Variants in LIMS1 observed in about 807,000 individuals in gnomAD.
LIMS1 encodes LIM and senescent cell antigen-like-containing domain protein 1.
In LIMS1, 18 loss-of-function variants were observed where a neutral mutation model predicts 44.1. The ratio of observed to expected loss-of-function variants is 0.41; its 90% CI spans 0.28 to 0.61. The LOEUF is 0.61. Among genes scored for constraint, LIMS1 ranks in the 20% least tolerant of loss-of-function variants. The pLI is 0.32. For missense variants in LIMS1, 201 were observed against 422.0 expected (o/e 0.48, Z 4.59); for synonymous variants, 93 against 149.1 (o/e 0.62, Z 2.74).
At chr2:108,599,334 C>T (rs1246476200) in intron 1 of LIMS1, among the ~76,000 whole-genome samples, 1 of 152,158 alleles carries the variant, frequency 6.6e-6, no homozygotes, top group Non-Finnish European at 1.5e-5. Context: ...ACATAATGAT[C>T]TCCAGTCCCA....
rs549769050 is a variant in LIMS1, at chr2:108,666,736, C to G, written c.193-4045C>G. Among the ~76,000 whole-genome samples, 705 of 145,210 alleles carry G rather than the reference C, an allele frequency of 4.9e-3. 8 individuals are homozygous for G. Among genetic ancestry groups the G allele is most frequent in the African/African-American group, 0.017 (670 of 39,308 alleles). On this transcript the variant is annotated intron_variant, in intron 2 of 9. Transcript: ENST00000544547. ...CCTAGGAGTTGGAGGCTACAGTGAG[C>G]TATAATCATGCCACTGCACTCCAGC...
At chr2:108,635,352 C>G (rs1689167407) in intron 1 of LIMS1, among the ~76,000 whole-genome samples, 1 of 145,380 alleles carries the variant, frequency 6.9e-6, no homozygotes, top group Non-Finnish European at 1.5e-5. Context: ...CGCTTGAACT[C>G]GGAAGGCAGA....
At chr2:108,599,838 T>C (rs1407448893) in intron 1 of LIMS1, among the ~76,000 whole-genome samples, 14 of 151,610 alleles carry the variant, frequency 9.2e-5, no homozygotes, top group South Asian at 6.3e-4. Flanking sequence ...TTGAGAAATA[T>C]CTTTTCATAT....
intron 1 of LIMS1, among the ~76,000 whole-genome samples, chr2:108,545,469 G>A (rs1048688179): frequency 3.3e-5 from 5 of 152,206 alleles, no homozygotes; most frequent in African/African-American, 4.8e-5. Flanking sequence ...TCCTGACCTC[G>A]GTGATCCACC....
chr2:108,587,366 T>C (rs1686160818), intron 1 of LIMS1, among the ~76,000 whole-genome samples: 1 of 149,788 alleles, frequency 6.7e-6, no homozygotes, highest in Non-Finnish European at 1.5e-5. Flanking sequence ...TGGTATGTTT[T>C]TGTTTTTGTT....
chr2:108,560,539 C>T (rs1453952575), intron 1 of LIMS1, among the ~76,000 whole-genome samples: 2 of 152,020 alleles, frequency 1.3e-5, no homozygotes, highest in Non-Finnish European at 2.9e-5. Context: ...GCAGAGCTCA[C>T]TCCTTCACCT....
At chr2:108,587,566 T>C (rs917423830) in intron 1 of LIMS1, among the ~76,000 whole-genome samples, 6 of 152,058 alleles carry the variant, frequency 3.9e-5, no homozygotes, top group Non-Finnish European at 8.8e-5. Flanking sequence ...AATGCAGTTA[T>C]CCTAAAAATG....
intron 1 of LIMS1, among the ~76,000 whole-genome samples, chr2:108,590,917 C>T (rs1176654108): frequency 6.6e-6 from 1 of 152,068 alleles, no homozygotes; most frequent in Non-Finnish European, 1.5e-5. Context: ...ATTCCCAGTG[C>T]CCAGAGCAGT....
intron 1 of LIMS1, among the ~76,000 whole-genome samples, chr2:108,640,262 T>A (rs1466235170): frequency 6.6e-6 from 1 of 152,194 alleles, no homozygotes; most frequent in African/African-American, 2.4e-5. Flanking sequence ...CTCCATGTCC[T>A]TTACAAAGTC....
rs1385048784 is a variant in LIMS1 at position 108,636,091 on chromosome 2, A to G, written c.33-23514A>G. 2.6e-5 allele frequency among the ~76,000 whole-genome samples: 4 copies of G among 152,224 alleles called. No homozygotes were observed. In the East Asian group the frequency reaches 5.8e-4, roughly 22 times the overall value. On this transcript the variant is annotated intron_variant, in intron 1 of 9. Transcript: ENST00000544547. ...CTAGTAAGAGGAGAGAAAGCAAAAG[A>G]GTATAGGAATAGCCGCTGTAAGGAG...
chr2:108,639,828 C>T (rs1284503428), intron 1 of LIMS1, among the ~76,000 whole-genome samples: 1 of 152,206 alleles, frequency 6.6e-6, no homozygotes, highest in Non-Finnish European at 1.5e-5. Flanking sequence ...ATGCGTGATT[C>T]TTCTCTGCCT....
chr2:108,557,848 G>C (rs1684977115), intron 1 of LIMS1, among the ~76,000 whole-genome samples: 1 of 152,146 alleles, frequency 6.6e-6, no homozygotes, highest in Non-Finnish European at 1.5e-5. Flanking sequence ...AGATTTAAGT[G>C]AACATGATTC....
At chr2:108,616,957 A>T (rs746774804) in intron 1 of LIMS1, among the ~76,000 whole-genome samples, 1 of 152,212 alleles carries the variant, frequency 6.6e-6, no homozygotes, top group Non-Finnish European at 1.5e-5. Flanking sequence ...ATGATTATTT[A>T]TGAGATAAAA....
intron 1 of LIMS1, among the ~76,000 whole-genome samples, chr2:108,550,248 C>T (rs765928939): frequency 6.6e-6 from 1 of 151,950 alleles, no homozygotes; most frequent in Non-Finnish European, 1.5e-5. Context: ...GTAATCCCAG[C>T]ACTTTGGGAG....
At chr2:108,542,396 C>T (rs887715227) in intron 1 of LIMS1, among the ~76,000 whole-genome samples, 1 of 152,140 alleles carries the variant, frequency 6.6e-6, no homozygotes, top group Non-Finnish European at 1.5e-5. Flanking sequence ...AGCCACACCA[C>T]GAAGTAGGAT....
chr2:108,638,998 G>A (rs945867537), intron 1 of LIMS1, among the ~76,000 whole-genome samples: 2 of 151,946 alleles, frequency 1.3e-5, no homozygotes, highest in South Asian at 2.1e-4. Flanking sequence ...AGCATGGATC[G>A]CGCTACTGCA....
chr2:108,638,280 G>A (rs796651305), intron 1 of LIMS1, among the ~76,000 whole-genome samples: 8 of 152,340 alleles, frequency 5.3e-5, no homozygotes, highest in African/African-American at 1.4e-4. Flanking sequence ...GGAAAGTTAC[G>A]CCAAAGGCAA....
At chr2:108,606,471 G>A (rs1002214959) in intron 1 of LIMS1, among the ~76,000 whole-genome samples, 7 of 152,206 alleles carry the variant, frequency 4.6e-5, no homozygotes, top group African/African-American at 1.7e-4. Context: ...GTGCATGTGT[G>A]TATACGTTAG....
At chr2:108,639,831 C>T (rs923468780) in intron 1 of LIMS1, among the ~76,000 whole-genome samples, 4 of 152,200 alleles carry the variant, frequency 2.6e-5, no homozygotes, top group Admixed American at 2.6e-4. Flanking sequence ...CGTGATTCTT[C>T]TCTGCCTTTC....
Sources: allele counts gnomAD v4.1 joint callset (sites outside exome capture counted in the v4.1 genomes callset), GRCh38; gene constraint gnomAD v4.1.1; transcripts MANE v1.5; gene names NCBI Gene and HGNC (gene_info 2026-07-23, HGNC 2026-07-21).